Variants in CPE observed in about 807,000 individuals in gnomAD.
CPE encodes carbocypeptidase E.
Under a neutral mutation model 53.5 loss-of-function variants are expected in CPE, and 17 were observed. That is an observed-to-expected ratio of 0.32 (90% CI 0.22 to 0.48). CPE has a LOEUF of 0.48. Ranked by LOEUF, CPE falls within the 20% of genes least tolerant of loss-of-function variation. The pLI, the probability that CPE is intolerant of heterozygous loss-of-function variation, is 0.99. For missense variants in CPE, 524 were observed against 614.7 expected, an observed-to-expected ratio of 0.85 and a Z score of 1.56; for synonymous variants, 226 against 228.8, an observed-to-expected ratio of 0.99 and a Z score of 0.11.
intron 1 of CPE, among the ~76,000 whole-genome samples, chr4:165,432,877 G>A (rs1476163655): frequency 6.6e-6 from 1 of 152,066 alleles, no homozygotes; most frequent in African/African-American, 2.4e-5. Flanking sequence ...CCCTCACCAA[G>A]CACTGTCAAT....
At chr4:165,413,160 C>T (rs1421585785) in intron 1 of CPE, among the ~76,000 whole-genome samples, 1 of 152,176 alleles carries the variant, frequency 6.6e-6, no homozygotes, top group African/African-American at 2.4e-5. Context: ...TTTTCTTCCC[C>T]TCTTCCCTCT....
chr4:165,389,532 C>T (rs1252546636), intron 1 of CPE, among the ~76,000 whole-genome samples: 3 of 152,214 alleles, frequency 2.0e-5, no homozygotes, highest in East Asian at 1.9e-4. Flanking sequence ...GAATGTTAAC[C>T]GGATACCTTC....
chr4:165,427,922 T>C (rs960254191), intron 1 of CPE, among the ~76,000 whole-genome samples: 3 of 152,258 alleles, frequency 2.0e-5, no homozygotes, highest in African/African-American at 7.2e-5. Context: ...AATGTATAAA[T>C]AATGTTGTTT....
rs546481500 is a variant in CPE at position 165,404,569 on chromosome 4, C to T, written c.307+25041C>T. On this transcript the variant is annotated intron_variant, in intron 1 of 8. Coordinates refer to ENST00000402744, the MANE Select transcript of CPE (RefSeq NM_001873.4). ...TGCCCAGATCTTTGGCCACATGTTT[C>T]GCTACATCCACGCCAACTTCATCCA... 1.8e-4 allele frequency: 176 copies of T among 974,212 alleles called. 1 individual carries two copies. The highest frequency in any genetic ancestry group is 1.5e-3 in the East Asian group (62 of 41,926). The allele number at this position is 974,212 out of a possible 1,614,324, so 60.3% of individuals were successfully genotyped here. A position where few individuals can be genotyped will look rare whatever the true frequency, so the allele number is the denominator to read the frequency against.
At chr4:165,390,534 A>T (rs9631752) in intron 1 of CPE, among the ~76,000 whole-genome samples, 37,600 of 152,074 alleles carry the variant, frequency 0.25, 4,874 homozygotes, top group East Asian at 0.41. Flanking sequence ...AATGCATAGG[A>T]AGAATTCTAT....
intron 1 of CPE, among the ~76,000 whole-genome samples, chr4:165,436,992 C>G (rs1180766822): frequency 6.6e-6 from 1 of 152,068 alleles, no homozygotes; most frequent in Non-Finnish European, 1.5e-5. Flanking sequence ...GGAGGATTAC[C>G]CAGTGAAGTC....
intron 6 of CPE, among the ~76,000 whole-genome samples, chr4:165,491,945 T>C (rs966074144): frequency 6.6e-6 from 1 of 152,152 alleles, no homozygotes; most frequent in African/African-American, 2.4e-5. Context: ...ACCTGAGCAT[T>C]TGGGAGGTTG....
At chr4:165,456,120 A>C (rs772020717) in intron 1 of CPE, among the ~76,000 whole-genome samples, 117 of 152,200 alleles carry the variant, frequency 7.7e-4, no homozygotes, top group African/African-American at 2.8e-3. Context: ...TTTATTGTGA[A>C]GGTCGTCTTG....
At position 165,459,784 on chromosome 4, in the gene CPE, C is replaced by T. The variant is rs184929423; in HGVS notation, c.308-4606C>T. Among the ~76,000 whole-genome samples, 414 of 150,634 alleles carry T rather than the reference C, an allele frequency of 2.7e-3. 6 individuals are homozygous for T. Among genetic ancestry groups the T allele is most frequent in the Non-Finnish European group, 1.7e-3 (113 of 67,794 alleles). On this transcript the variant is annotated intron_variant, in intron 1 of 8. Coordinates refer to ENST00000402744, the MANE Select transcript of CPE (RefSeq NM_001873.4). ...TACAAAAATTAGCTGGGTGTGGTGG[C>T]GTGCGCCTGTACTCCCAGCTACTCA...
chr4:165,396,062 GA>G (rs1259550814), intron 1 of CPE, among the ~76,000 whole-genome samples: 1 of 151,848 alleles, frequency 6.6e-6, no homozygotes, highest in African/African-American at 2.4e-5. Flanking sequence ...TCCTCTAAAG[GA>G]AAAAAGGTAT....
chr4:165,464,170 T>G (rs1231351536), intron 1 of CPE, among the ~76,000 whole-genome samples: 3 of 152,184 alleles, frequency 2.0e-5, no homozygotes, highest in African/African-American at 7.2e-5. Flanking sequence ...AACATACTAA[T>G]TTTGGGTGAA....
At chr4:165,421,307 TGCCTGGCCATA>T in intron 1 of CPE, among the ~76,000 whole-genome samples, 1 of 152,220 alleles carries the variant, frequency 6.6e-6, no homozygotes, top group East Asian at 1.9e-4. Context: ...AGGACCTACG[TGCCTGGCCATA>T]GCCTGGCCAT....
intron 1 of CPE, among the ~76,000 whole-genome samples, chr4:165,461,620 A>G (rs1732007705): frequency 1.3e-5 from 2 of 152,204 alleles, no homozygotes; most frequent in African/African-American, 4.8e-5. Flanking sequence ...TACATATCCA[A>G]CATTCCTTCA....
At chr4:165,419,321 T>C (rs1731170426) in intron 1 of CPE, among the ~76,000 whole-genome samples, 1 of 152,126 alleles carries the variant, frequency 6.6e-6, no homozygotes, top group African/African-American at 2.4e-5. Context: ...GGGAGCTGAG[T>C]GTGTGGTGAT....
intron 3 of CPE, among the ~76,000 whole-genome samples, chr4:165,479,952 A>C (rs1296366371): frequency 6.6e-6 from 1 of 150,784 alleles, no homozygotes; most frequent in Non-Finnish European, 1.5e-5. Flanking sequence ...AGATCGCTCC[A>C]CTGCACTCTA....
At chr4:165,419,621 A>G (rs1372696995) in intron 1 of CPE, among the ~76,000 whole-genome samples, 2 of 152,220 alleles carry the variant, frequency 1.3e-5, no homozygotes, top group African/African-American at 2.4e-5. Flanking sequence ...CTAATAGCAG[A>G]GTCAGGATTT....
At chr4:165,447,427 C>T (rs944545333) in intron 1 of CPE, among the ~76,000 whole-genome samples, 12 of 152,036 alleles carry the variant, frequency 7.9e-5, no homozygotes, top group African/African-American at 2.7e-4. Context: ...AAAAATTAGC[C>T]AGGCGTGGTG....
chr4:165,406,068 G>T, intron 1 of CPE: 1 of 758,830 alleles, frequency 1.3e-6, no homozygotes, highest in Non-Finnish European at 2.5e-6. Flanking sequence ...CCTGGCTTTG[G>T]TGAGATAAGG....
Position 165,379,091 on chromosome 4 carries a change from A to C in CPE, c.-131A>C, listed in dbSNP as rs1730457162. The stretch of plus-strand genomic sequence containing the variant: ...CGGGCTGACACTCATTCAGCCGGGG[A>C]AGGTGAGGCGAGTAGAGGCTGGTGC... On this transcript the variant is annotated 5_prime_UTR_variant, in exon 1 of 9. Coordinates refer to ENST00000402744, the MANE Select transcript of CPE (RefSeq NM_001873.4). The surrounding 1 kb of genome is among the most constrained non-coding windows in gnomAD (Gnocchi z 6.0). 4 of 804,646 alleles carry C rather than the reference A, an allele frequency of 5.0e-6. No individual in the cohort carries two copies. The highest frequency in any genetic ancestry group is 1.8e-5 in the African/African-American group (1 of 55,266). The allele number at this position is 804,646 out of a possible 1,614,324, so 49.8% of individuals were successfully genotyped here.
Sources: gnomAD v4.1 joint callset for allele counts (sites outside exome capture counted in the v4.1 genomes callset) on GRCh38, gnomAD v4.1.1 for gene constraint, Gnocchi (gnomAD v3.1) non-coding constraint, MANE v1.5 for transcripts, NCBI Gene and HGNC (gene_info 2026-07-23, HGNC 2026-07-21) for gene names.